The following RAB3GAP2 variants were observed in gnomAD, a reference collection of about 807,000 sequenced individuals.
RAB3GAP2 encodes rab3 GTPase-activating protein non-catalytic subunit.
Under a neutral mutation model 185.3 loss-of-function variants are expected in RAB3GAP2, and 87 were observed. The observed-to-expected ratio is 0.47, with a 90% CI of 0.39 to 0.56. RAB3GAP2 has a LOEUF of 0.56. Ranked by LOEUF, RAB3GAP2 falls within the 20% of genes least tolerant of loss-of-function variation. The pLI is 0.00. For missense variants in RAB3GAP2, 1,492 were observed against 1,638.2 expected (o/e 0.91, Z 1.54); for synonymous variants, 554 against 576.1 (o/e 0.96, Z 0.55).
intron 2 of RAB3GAP2, among the ~76,000 whole-genome samples, chr1:220,216,072 G>A (rs1010132242): frequency 6.6e-6 from 1 of 152,028 alleles, no homozygotes; most frequent in Non-Finnish European, 1.5e-5. Context: ...AAAAATATGG[G>A]TTACAGGGAA....
Position 220,190,427 on chromosome 1 carries a change from T to C in RAB3GAP2, c.1581A>G (p.Pro527=). The change falls in exon 15 of 35, where the codon CCA becomes CCG. Residue 527 remains proline, a synonymous_variant. Coordinates refer to ENST00000358951, the MANE Select transcript of RAB3GAP2 (RefSeq NM_012414.4). Reference sequence around the variant, plus strand: ...TCACTGTTTTCACACTTCCAGACACTGGATCAACCAGACAGATCTGATAAG... The same window carrying C: ...TCACTGTTTTCACACTTCCAGACACCGGATCAACCAGACAGATCTGATAAG... ...PQTYQICLVD[P]VSGSVKTVNV... 1 of 1,614,096 alleles carries C rather than the reference T, an allele frequency of 6.2e-7. No homozygotes were observed. Among genetic ancestry groups the C allele is most frequent in the Non-Finnish European group, 8.5e-7 (1 of 1,179,956 alleles).
At chr1:220,190,884 A>T (rs1489817448) in intron 14 of RAB3GAP2, among the ~76,000 whole-genome samples, 184 bp downstream of exon 14, 1 of 147,372 alleles carries the variant, frequency 6.8e-6, no homozygotes, top group African/African-American at 2.5e-5. Context: ...GGCATTTTTA[A>T]TTTTTTTTTT....
chr1:220,189,874 T>A (rs1658580789), intron 16 of RAB3GAP2, 107 bp from the exon 17 acceptor site: 8 of 1,148,864 alleles, frequency 7.0e-6, no homozygotes, highest in Non-Finnish European at 9.8e-6. Context: ...CTAAAGGATT[T>A]TTGGGTTCTC....
intron 1 of RAB3GAP2, among the ~76,000 whole-genome samples, chr1:220,239,990 A>T (rs1368030093): frequency 7.2e-5 from 4 of 55,536 alleles, no homozygotes; most frequent in Non-Finnish European, 1.3e-4. Flanking sequence ...TTTGAAGATT[A>T]AAAAAAAAAA....
rs551129561 is a variant in RAB3GAP2, at chr1:220,153,756, C to G, written c.3645+212G>C. On this transcript the variant is annotated intron_variant, in intron 32 of 34. Transcript: ENST00000358951. ...CCTAATGCTATCCCTCCCCCTTCCC[C>G]CCACCCCACGACAGGCCCTGGTGTG... is the stretch of plus-strand genomic sequence containing the variant. 29 of 545,856 alleles carry G rather than the reference C, an allele frequency of 5.3e-5. No homozygotes were observed. In the Admixed American group the frequency reaches 5.8e-4, roughly 11 times the overall value. 33.8% of individuals were successfully genotyped at this position (545,856 alleles called of 1,614,324 possible).
intron 1 of RAB3GAP2, among the ~76,000 whole-genome samples, chr1:220,241,043 A>G (rs556003885): frequency 5.9e-5 from 9 of 152,216 alleles, no homozygotes; most frequent in African/African-American, 2.2e-4. Context: ...ATTTTAATCA[A>G]TCATCAAAAA....
chr1:220,267,856 C>A (rs1660256737), intron 1 of RAB3GAP2: 4 of 1,028,128 alleles, frequency 3.9e-6, no homozygotes. Context: ...TGTTCTGGAC[C>A]TCCAACTGGA....
At chr1:220,162,953 G>A (rs1053805971) in intron 27 of RAB3GAP2, among the ~76,000 whole-genome samples, 1 of 152,016 alleles carries the variant, frequency 6.6e-6, no homozygotes, top group Non-Finnish European at 1.5e-5. Context: ...AAACCAGGCT[G>A]GGCAACATGG....
At chr1:220,250,629 C>T (rs915080954) in intron 1 of RAB3GAP2, among the ~76,000 whole-genome samples, 2 of 152,156 alleles carry the variant, frequency 1.3e-5, no homozygotes, top group African/African-American at 2.4e-5. Context: ...ATGTCCCCAC[C>T]GAAATCTCAT....
chr1:220,172,793 C>CA (rs774739225), intron 21 of RAB3GAP2, 51 bp from the exon 22 acceptor site: 2 of 1,223,666 alleles, frequency 1.6e-6, no homozygotes, highest in South Asian at 2.5e-5. Context: ...TTAGCATAGA[C>CA]AAAATCTTAC....
At chr1:220,151,578 T>C (rs1305621271) in intron 34 of RAB3GAP2, 28 bp downstream of exon 34, 3 of 1,599,014 alleles carry the variant, frequency 1.9e-6, no homozygotes, top group African/African-American at 2.7e-5. Context: ...CAATGACCTT[T>C]TGCCTGATCT....
intron 26 of RAB3GAP2, among the ~76,000 whole-genome samples, chr1:220,165,959 C>T (rs956352605): frequency 1.3e-5 from 2 of 152,286 alleles, no homozygotes; most frequent in East Asian, 3.9e-4. Flanking sequence ...TTCTTAAATG[C>T]CACTTTTTTA....
At chr1:220,214,431 C>T (rs1398344446) in intron 2 of RAB3GAP2, among the ~76,000 whole-genome samples, 2 of 151,750 alleles carry the variant, frequency 1.3e-5, no homozygotes, top group Non-Finnish European at 2.9e-5. Flanking sequence ...GAGGCTGAGG[C>T]AGGAGAATCA....
intron 1 of RAB3GAP2, among the ~76,000 whole-genome samples, chr1:220,264,360 G>A (rs559228268): frequency 2.6e-5 from 4 of 152,002 alleles, no homozygotes; most frequent in South Asian, 2.1e-4. Context: ...ATAATAAAAC[G>A]AATGGAGGAA....
rs1558149795 is a variant in RAB3GAP2 at position 220,190,533 on chromosome 1, C to T, written c.1488-13G>A. 1 of 1,579,692 alleles carries T rather than the reference C, an allele frequency of 6.3e-7. No homozygotes were observed. The highest frequency in any genetic ancestry group is 1.1e-5 in the South Asian group (1 of 90,404). On this transcript the variant is annotated splice_polypyrimidine_tract_variant and intron_variant, in intron 14 of 34. Coordinates refer to ENST00000358951, the MANE Select transcript of RAB3GAP2 (RefSeq NM_012414.4). ...AGGATACAGCAGCCTAAAGAAATCA[C>T]ATACCAATATGGTAAAAATATTAGA...
At chr1:220,181,883 C>T (rs941101555) in intron 21 of RAB3GAP2, among the ~76,000 whole-genome samples, 2 of 151,598 alleles carry the variant, frequency 1.3e-5, no homozygotes, top group Non-Finnish European at 2.9e-5. Context: ...ACCCCCATCT[C>T]CACAAAAGTA....
In RAB3GAP2 at chr1:220,228,897, G is replaced by A. The variant is rs115285073; in HGVS notation, c.180+3902C>T. On this transcript the variant is annotated intron_variant, in intron 2 of 34. Coordinates refer to ENST00000358951, the MANE Select transcript of RAB3GAP2 (RefSeq NM_012414.4). Reference sequence around the variant, plus strand: ...CATTAGGGCCATTTGTAAATATTCCGATTTTATCCAAATGAAGAAATGTTC... The same window carrying A: ...CATTAGGGCCATTTGTAAATATTCCAATTTTATCCAAATGAAGAAATGTTC... Among the ~76,000 whole-genome samples, 469 of 152,284 alleles carry A rather than the reference G, an allele frequency of 3.1e-3. 2 individuals are homozygous for A. Among genetic ancestry groups the A allele is most frequent in the African/African-American group, 0.01 (430 of 41,562 alleles).
intron 1 of RAB3GAP2, among the ~76,000 whole-genome samples, chr1:220,264,028 C>A (rs1660187118): frequency 6.6e-6 from 1 of 151,856 alleles, no homozygotes; most frequent in Non-Finnish European, 1.5e-5. Context: ...ATGATACCCA[C>A]CGACATCCAT....
chr1:220,233,619 T>G (rs753737311), intron 1 of RAB3GAP2, among the ~76,000 whole-genome samples: 2 of 152,190 alleles, frequency 1.3e-5, no homozygotes, highest in Non-Finnish European at 2.9e-5. Flanking sequence ...AAATAAAACT[T>G]TAGGCCCCAG....
Sources: allele counts gnomAD v4.1 joint callset (sites outside exome capture counted in the v4.1 genomes callset), GRCh38; gene constraint gnomAD v4.1.1; transcripts MANE v1.5; gene names NCBI Gene and HGNC (gene_info 2026-07-23, HGNC 2026-07-21).